Variants in NTM observed in about 807,000 individuals in gnomAD.
NTM encodes IgLON family member 2.
NTM carries 13 observed loss-of-function variants against 42.1 expected under a neutral mutation model. That is an observed-to-expected ratio of 0.31 (90% CI 0.20 to 0.49). The LOEUF (loss-of-function observed/expected upper bound fraction) is 0.49. Ranked by LOEUF, NTM falls within the 20% of genes least tolerant of loss-of-function variation. The probability of loss-of-function intolerance (pLI) is 0.99; values close to 1 mark genes in which losing one functional copy is unlikely to be tolerated. For missense variants in NTM, 373 were observed against 452.8 expected (o/e 0.82, Z 1.60); for synonymous variants, 187 against 179.2 (o/e 1.04, Z -0.35).
intron 2 of NTM, among the ~76,000 whole-genome samples, chr11:131,978,763 G>A (rs1335157037): frequency 6.6e-6 from 1 of 152,184 alleles, no homozygotes; most frequent in Admixed American, 6.5e-5. Context: ...GCACAACCCA[G>A]AGTTTGGAGA....
At position 132,104,756 on chromosome 11, in the gene NTM, TTATC is replaced by T. The variant is rs957844774; in HGVS notation, c.168-41524_168-41521del. 2.2e-3 allele frequency among the ~76,000 whole-genome samples: 334 copies of T among 149,030 alleles called. 3 individuals are homozygous for T. Among genetic ancestry groups the T allele is most frequent in the African/African-American group, 7.9e-3 (322 of 40,534 alleles). ...ACAAAAAGAAAAGAAAAAAAATAAA[TTATC>T]TGAGCATGGTGGTACATGCCTGTAG... On this transcript the variant is annotated intron_variant, in intron 2 of 8. Coordinates refer to ENST00000683400, the MANE Select transcript of NTM (RefSeq NM_001352005.2).
intron 1 of NTM, among the ~76,000 whole-genome samples, chr11:131,743,591 T>C (rs1213852093): frequency 6.6e-6 from 1 of 152,170 alleles, no homozygotes; most frequent in Non-Finnish European, 1.5e-5. Flanking sequence ...TCCTACTAAG[T>C]GGTCGGCCAG....
rs544947419 is a variant in NTM, at chr11:132,161,227, C to A, written c.400+14713C>A. Among the ~76,000 whole-genome samples, 35 of 152,220 alleles carry A rather than the reference C, an allele frequency of 2.3e-4. 1 individual carries two copies. The highest frequency in any genetic ancestry group is 1.8e-3 in the Admixed American group (28 of 15,302). ...CTTCATTTGTCCATGGATTCTCCCC[C>A]ACTGGAGTGAGTGCAGCACCCTGTT... On this transcript the variant is annotated intron_variant, in intron 3 of 8. Coordinates refer to ENST00000683400, the MANE Select transcript of NTM (RefSeq NM_001352005.2).
chr11:131,986,385 A>G (rs1318673409), intron 2 of NTM, among the ~76,000 whole-genome samples: 1 of 152,224 alleles, frequency 6.6e-6, no homozygotes, highest in East Asian at 1.9e-4. Context: ...CTAGGTTTTA[A>G]ATCACTTTGC....
At chr11:131,458,181 G>A (rs1237445253) in intron 1 of NTM, among the ~76,000 whole-genome samples, 1 of 152,178 alleles carries the variant, frequency 6.6e-6, no homozygotes, top group African/African-American at 2.4e-5. Context: ...AGGATGAAAA[G>A]AAGAGAGTGG....
intron 7 of NTM, among the ~76,000 whole-genome samples, chr11:132,325,805 G>A (rs1278309621): frequency 6.6e-6 from 1 of 152,142 alleles, no homozygotes; most frequent in Non-Finnish European, 1.5e-5. Context: ...AAGAAAATGT[G>A]GCACATATAC....
At chr11:131,925,731 G>A (rs887283135) in intron 2 of NTM, among the ~76,000 whole-genome samples, 13 of 152,120 alleles carry the variant, frequency 8.5e-5, no homozygotes, top group Admixed American at 3.3e-4. Flanking sequence ...TGGAGAAATC[G>A]TGTATGGATT....
chr11:131,910,994 C>T, intron 1 of NTM: 1 of 998,852 alleles, frequency 1.0e-6, no homozygotes, highest in Non-Finnish European at 1.2e-6. Context: ...GTGGCGAGCC[C>T]GGCTCCGAAA....
At chr11:131,959,419 G>C (rs1257805684) in intron 2 of NTM, among the ~76,000 whole-genome samples, 1 of 152,134 alleles carries the variant, frequency 6.6e-6, no homozygotes, top group Non-Finnish European at 1.5e-5. Flanking sequence ...CTTGAGCCTA[G>C]GGGCTTGAGA....
At chr11:132,093,201 C>G (rs570143090) in intron 2 of NTM, among the ~76,000 whole-genome samples, 1 of 152,314 alleles carries the variant, frequency 6.6e-6, no homozygotes, top group South Asian at 2.1e-4. Context: ...CTGTACCTCT[C>G]CACATACTCC....
intron 2 of NTM, among the ~76,000 whole-genome samples, chr11:132,058,514 G>A (rs988536849): frequency 6.6e-6 from 1 of 152,174 alleles, no homozygotes; most frequent in Non-Finnish European, 1.5e-5. Context: ...ATGCTGTGTT[G>A]CTTCCAACCA....
At chr11:131,904,791 T>A (rs1206749234) in intron 1 of NTM, among the ~76,000 whole-genome samples, 1 of 152,192 alleles carries the variant, frequency 6.6e-6, no homozygotes, top group Non-Finnish European at 1.5e-5. Flanking sequence ...CCTCCTCTTT[T>A]GCAAGCACAG....
At chr11:132,295,558 A>G (rs878893509) in intron 4 of NTM, among the ~76,000 whole-genome samples, 4 of 152,230 alleles carry the variant, frequency 2.6e-5, no homozygotes, top group Admixed American at 1.3e-4. Context: ...GAATGTGACG[A>G]AAGGGTTCCC....
chr11:131,801,753 C>T (rs149186924), intron 1 of NTM, among the ~76,000 whole-genome samples: 154 of 152,174 alleles, frequency 1.0e-3, no homozygotes, highest in African/African-American at 3.4e-3. Context: ...AATGGTGGCA[C>T]GGGAACCAGG....
chr11:132,060,663 A>G (rs1234909833), intron 2 of NTM, among the ~76,000 whole-genome samples: 1 of 152,226 alleles, frequency 6.6e-6, no homozygotes, highest in East Asian at 1.9e-4. Flanking sequence ...GCAGTCACAG[A>G]AATAGTATAC....
chr11:131,595,855 A>C (rs1262410191), intron 1 of NTM, among the ~76,000 whole-genome samples: 1 of 152,256 alleles, frequency 6.6e-6, no homozygotes, highest in Non-Finnish European at 1.5e-5. Flanking sequence ...ACAGCTAGAC[A>C]GAGAATGGTT....
At chr11:132,216,276 C>A (rs1379516836) in intron 4 of NTM, among the ~76,000 whole-genome samples, 1 of 152,210 alleles carries the variant, frequency 6.6e-6, no homozygotes, top group Non-Finnish European at 1.5e-5. Context: ...TGTTATGTTA[C>A]CAGTTTCAGT....
intron 1 of NTM, among the ~76,000 whole-genome samples, chr11:131,872,002 A>G (rs746235405): frequency 6.6e-6 from 1 of 152,172 alleles, no homozygotes; most frequent in African/African-American, 2.4e-5. Flanking sequence ...CTGTGTACAC[A>G]TGTCTTCATG....
chr11:132,249,163 CA>C (rs1206903344), intron 4 of NTM, among the ~76,000 whole-genome samples: 1 of 152,304 alleles, frequency 6.6e-6, no homozygotes, highest in African/African-American at 2.4e-5. Context: ...GAACTGGCAT[CA>C]GCAAAGCAAT....
Sources: allele counts gnomAD v4.1 joint callset (sites outside exome capture counted in the v4.1 genomes callset), GRCh38; gene constraint gnomAD v4.1.1; transcripts MANE v1.5; gene names NCBI Gene and HGNC (gene_info 2026-07-23, HGNC 2026-07-21).